The following PCDHGB1 variants were observed in gnomAD, a reference collection of about 807,000 sequenced individuals.
PCDHGB1 encodes protocadherin gamma subfamily B, 1.
PCDHGB1 carries 34 observed loss-of-function variants against 56.6 expected under a neutral mutation model. That is an observed-to-expected ratio of 0.60 (90% confidence interval 0.46 to 0.80). The LOEUF is 0.80. PCDHGB1 is among the 30% of genes least tolerant of loss of function. PCDHGB1 has a pLI of 0.00. For synonymous variants in PCDHGB1, 561 were observed against 505.9 expected (o/e 1.11, Z -1.46); for missense variants, 1,278 against 1,204.6 (o/e 1.06, Z -0.90).
At chr5:141,495,213 C>T (rs568314100) in intron 2 of PCDHGB1, among the ~76,000 whole-genome samples, 1 of 152,326 alleles carries the variant, frequency 6.6e-6, no homozygotes, top group South Asian at 2.1e-4. Flanking sequence ...AACCCCCTCC[C>T]CTGAGTTGAG....
In PCDHGB1 at chr5:141,511,335, A is replaced by T; in HGVS notation, c.*162A>T. 7.0e-7 allele frequency: 1 copy of T among 1,438,820 alleles called. No homozygotes were observed. The highest frequency in any genetic ancestry group is 9.2e-7 in the Non-Finnish European group (1 of 1,083,596). The allele number at this position is 1,438,820 out of a possible 1,614,324, so 89.1% of individuals were successfully genotyped here. A position where few individuals can be genotyped will look rare whatever the true frequency, so the allele number is the denominator to read the frequency against. On this transcript the variant is annotated 3_prime_UTR_variant, in exon 4 of 4. Coordinates refer to ENST00000523390, the MANE Select transcript of PCDHGB1 (RefSeq NM_018922.3). ...AAACAGAAACAAGTGCCCAGTCAGC[A>T]CCTACCCCTTCCCCCCCAGGGGGTT...
chr5:141,482,135 G>T (rs987110875), intron 1 of PCDHGB1, among the ~76,000 whole-genome samples: 1 of 151,836 alleles, frequency 6.6e-6, no homozygotes, highest in African/African-American at 2.4e-5. Context: ...CATATGGCTG[G>T]CATAAAAAGG....
In PCDHGB1 at chr5:141,505,470, C is replaced by G; in HGVS notation, c.2546C>G (p.Ala849Gly). 6.2e-7 allele frequency: 1 copy of G among 1,614,186 alleles called. No individual in the cohort carries two copies. Among genetic ancestry groups the G allele is most frequent in the Non-Finnish European group, 8.5e-7 (1 of 1,180,002 alleles). Residue 849 changes from alanine to glycine, a missense_variant, in exon 3 of 4, where the codon GCG (alanine) becomes GGG (glycine). Ala to Gly is a moderately conservative substitution (Grantham distance 60). Transcript: ENST00000523390. ...GAGATGCTGCAAGCCATGATCTTGG[C>G]GTCCGCCAGTGGTAAGTGGTGTCAG... The part of the protein sequence containing the change: ...DTEMLQAMIL[A>G]SASEAADGSS...
intron 1 of PCDHGB1, chr5:141,390,721 T>G (rs1454628810): frequency 5.1e-6 from 1 of 195,622 alleles, no homozygotes; most frequent in African/African-American, 2.4e-5. Context: ...CTTAACTAAT[T>G]TAACTGGTAT....
At chr5:141,475,813 T>C in intron 1 of PCDHGB1, 1 of 334,788 alleles carries the variant, frequency 3.0e-6, no homozygotes, top group East Asian at 5.5e-5. Flanking sequence ...GAAAGTGAAG[T>C]TCCTGGCGCT....
In PCDHGB1 at chr5:141,384,156, C is replaced by A. The variant is rs760709557; in HGVS notation, c.2409+31487C>A. The A allele has an allele frequency of 1.9e-6, 3 of 1,613,342 alleles. No individual in the cohort carries two copies. In the African/African-American group the frequency reaches 4.0e-5, roughly 22 times the overall value. On this transcript the variant is annotated intron_variant, in intron 1 of 3. Transcript: ENST00000523390. ...ACCGGGAAACACTCTCTTTGTATAACATCACACTGAAAGCCACAGATGGTG... is the reference window on the plus strand; with the variant it reads ...ACCGGGAAACACTCTCTTTGTATAAAATCACACTGAAAGCCACAGATGGTG...
At chr5:141,395,374 T>G (rs145897132) in intron 1 of PCDHGB1, 6 of 1,187,780 alleles carry the variant, frequency 5.1e-6, no homozygotes, top group Non-Finnish European at 6.9e-6. Flanking sequence ...ATTTTGGTGG[T>G]GTTACTATAA....
chr5:141,438,545 A>C (rs915206342), intron 1 of PCDHGB1, among the ~76,000 whole-genome samples: 4 of 140,354 alleles, frequency 2.8e-5, no homozygotes, highest in Admixed American at 7.4e-5. Flanking sequence ...TCTATATCTA[A>C]GCCCTAATAA....
chr5:141,432,537 C>T lies in PCDHGB1; in HGVS notation c.2410-62270C>T, dbSNP rs367578838. Reference sequence around the variant, plus strand: ...GGCTACCTGGTGACCAAGGTGGTGGCGGTGGACAGAGACTCCGGCCAGAAC... The same window carrying T: ...GGCTACCTGGTGACCAAGGTGGTGGTGGTGGACAGAGACTCCGGCCAGAAC... On this transcript the variant is annotated intron_variant, in intron 1 of 3. Transcript: ENST00000523390. This position sits in a 1 kb window ranked among gnomAD's most constrained non-coding sequence, Gnocchi z 6.0. The T allele has an allele frequency of 5.6e-6, 9 of 1,613,882 alleles. No homozygotes were observed. The African/African-American group carries it at 6.7e-5, about 12-fold the overall frequency.
chr5:141,375,676 G>A, intron 1 of PCDHGB1: 1 of 1,614,220 alleles, frequency 6.2e-7, no homozygotes, highest in Middle Eastern at 1.6e-4. Flanking sequence ...TACAGCTGTG[G>A]GTGACAGCCA....
chr5:141,404,594 T>C (rs778412256), intron 1 of PCDHGB1: 6 of 1,614,050 alleles, frequency 3.7e-6, no homozygotes, highest in South Asian at 1.1e-5. Flanking sequence ...CAATGTGTCA[T>C]TGAGACTGTT....
chr5:141,409,881 C>T (rs2095330257), intron 1 of PCDHGB1: 1 of 1,612,978 alleles, frequency 6.2e-7, no homozygotes, highest in Non-Finnish European at 8.5e-7. Context: ...GACAACGCAC[C>T]GCGGGTGCTG....
Position 141,491,611 on chromosome 5 carries a change from A to G in PCDHGB1, c.2410-3196A>G. The G allele has an allele frequency of 6.2e-7, 1 of 1,613,866 alleles. No individual in the cohort carries two copies. The highest frequency in any genetic ancestry group is 8.5e-7 in the Non-Finnish European group (1 of 1,180,018). Reference sequence around the variant, plus strand: ...GGACGGCAGTGACTTCACTTTTCTAAGACCCCTCAGCGTTCAGCAGCCCAC... The same window carrying G: ...GGACGGCAGTGACTTCACTTTTCTAGGACCCCTCAGCGTTCAGCAGCCCAC... On this transcript the variant is annotated intron_variant, in intron 1 of 3. Transcript: ENST00000523390. This position sits in a 1 kb window ranked among gnomAD's most constrained non-coding sequence, Gnocchi z 6.9.
chr5:141,359,225 G>A (rs932718388), intron 1 of PCDHGB1, among the ~76,000 whole-genome samples: 4 of 152,074 alleles, frequency 2.6e-5, no homozygotes, highest in Admixed American at 2.6e-4. Context: ...TACATCTGAG[G>A]AGAGATTGTT....
At position 141,477,550 on chromosome 5, in the gene PCDHGB1, C is replaced by T. The variant is rs1262360790; in HGVS notation, c.2410-17257C>T. The T allele has an allele frequency of 4.3e-6, 7 of 1,614,178 alleles. No homozygotes were observed. The highest frequency in any genetic ancestry group is 5.9e-6 in the Non-Finnish European group (7 of 1,180,036). On this transcript the variant is annotated intron_variant, in intron 1 of 3. Transcript: ENST00000523390. This position sits in a 1 kb window ranked among gnomAD's most constrained non-coding sequence, Gnocchi z 4.9. ...ACCTCCCCGGGGCTCCAATACTAAACCTAAGTGTCTGGGACCCCGACGCCC... is the reference window on the plus strand; with the variant it reads ...ACCTCCCCGGGGCTCCAATACTAAATCTAAGTGTCTGGGACCCCGACGCCC...
Position 141,350,167 on chromosome 5 carries a change from T to C in PCDHGB1, c.-94T>C. 8.5e-7 allele frequency: 1 copy of C among 1,181,342 alleles called. No individual in the cohort carries two copies. Among genetic ancestry groups the C allele is most frequent in the South Asian group, 2.3e-5 (1 of 43,176 alleles). 73.2% of individuals were successfully genotyped at this position (1,181,342 alleles called of 1,614,324 possible). On this transcript the variant is annotated 5_prime_UTR_variant, in exon 1 of 4. Coordinates refer to ENST00000523390, the MANE Select transcript of PCDHGB1 (RefSeq NM_018922.3). ...TGTTCACCCTCGAGCGCCTAACTAA[T>C]AAGTCCTAAGCTCAAATCACAGAAG...
intron 1 of PCDHGB1, among the ~76,000 whole-genome samples, chr5:141,455,803 A>G (rs1197986124): frequency 6.6e-6 from 1 of 152,068 alleles, no homozygotes; most frequent in Non-Finnish European, 1.5e-5. Context: ...TGCTTTAAAA[A>G]ATGAAAACTT....
chr5:141,458,292 T>C (rs2098941901), intron 1 of PCDHGB1, among the ~76,000 whole-genome samples: 1 of 152,146 alleles, frequency 6.6e-6, no homozygotes, highest in Admixed American at 6.5e-5. Flanking sequence ...GTCCTCATGC[T>C]GGTTTAGATA....
chr5:141,445,249 G>T (rs1337658576), intron 1 of PCDHGB1, among the ~76,000 whole-genome samples: 2 of 152,170 alleles, frequency 1.3e-5, no homozygotes, highest in Non-Finnish European at 2.9e-5. Context: ...ACTATATTGT[G>T]TGAGAATATA....
Sources: allele counts gnomAD v4.1 joint callset (sites outside exome capture counted in the v4.1 genomes callset), GRCh38; gene constraint gnomAD v4.1.1; non-coding constraint Gnocchi (gnomAD v3.1); transcripts MANE v1.5; gene names NCBI Gene and HGNC (gene_info 2026-07-23, HGNC 2026-07-21).